Variants in ZSWIM6 observed in about 807,000 individuals in gnomAD.
ZSWIM6 encodes the protein zinc finger SWIM domain-containing protein 6.
In ZSWIM6, 9 loss-of-function variants were observed where a neutral mutation model predicts 113.2. The ratio of observed to expected loss-of-function variants is 0.08; its 90% CI spans 0.05 to 0.14. The LOEUF is 0.14. ZSWIM6 is among the 10% of genes least tolerant of loss of function. The pLI, the probability that ZSWIM6 is intolerant of heterozygous loss-of-function variation, is 1.00. For missense variants in ZSWIM6, 1,162 were observed against 1,552.2 expected (o/e 0.75, Z 4.22); for synonymous variants, 611 against 606.5 (o/e 1.01, Z -0.11).
At chr5:61,514,116 A>G (rs1206223487) in intron 4 of ZSWIM6, among the ~76,000 whole-genome samples, 1 of 152,086 alleles carries the variant, frequency 6.6e-6, no homozygotes, top group East Asian at 1.9e-4. Context: ...TTCCATCAGC[A>G]TTTTGTAGTT....
At chr5:61,380,337 A>G (rs1248102456) in intron 1 of ZSWIM6, among the ~76,000 whole-genome samples, 1 of 152,184 alleles carries the variant, frequency 6.6e-6, no homozygotes, top group African/African-American at 2.4e-5. Context: ...CGGCCTCCCA[A>G]AGTGCTGGCA....
At chr5:61,390,680 T>C in intron 1 of ZSWIM6, 1 of 851,988 alleles carries the variant, frequency 1.2e-6, no homozygotes, top group Non-Finnish European at 2.0e-6. Flanking sequence ...AAGCTCCTTC[T>C]TCCTTTGCAA....
intron 4 of ZSWIM6, among the ~76,000 whole-genome samples, chr5:61,504,836 G>A (rs1748557547): frequency 6.6e-6 from 1 of 152,124 alleles, no homozygotes; most frequent in Admixed American, 6.6e-5. Context: ...AAATTAACAA[G>A]AATCTGCTGT....
intron 1 of ZSWIM6, among the ~76,000 whole-genome samples, chr5:61,399,231 G>GT (rs35540556): frequency 0.26 from 30,354 of 117,888 alleles, 3,832 homozygotes; most frequent in South Asian, 0.38. Flanking sequence ...GGCTGTGTAT[G>GT]TTTTTTTTTT....
chr5:61,336,544 G>C (rs548795779), intron 1 of ZSWIM6, among the ~76,000 whole-genome samples: 32 of 152,228 alleles, frequency 2.1e-4, no homozygotes, highest in African/African-American at 7.2e-4. Context: ...GATCATTTGA[G>C]GTCAGGAGTT....
chr5:61,369,908 T>C (rs1745229361), intron 1 of ZSWIM6, among the ~76,000 whole-genome samples: 1 of 152,216 alleles, frequency 6.6e-6, no homozygotes, highest in South Asian at 2.1e-4. Context: ...CCCACAGATA[T>C]TTCACTGGAC....
chr5:61,440,717 C>T (rs13171757), intron 1 of ZSWIM6, among the ~76,000 whole-genome samples: 56,966 of 151,980 alleles, frequency 0.37, 10,855 homozygotes, highest in South Asian at 0.43. Flanking sequence ...ATGTTTGGGG[C>T]GTTCAGGCCC....
At chr5:61,532,280 A>G (rs1348356916) in intron 9 of ZSWIM6, among the ~76,000 whole-genome samples, 1 of 152,214 alleles carries the variant, frequency 6.6e-6, no homozygotes, top group African/African-American at 2.4e-5. Flanking sequence ...AAAAGGTTTC[A>G]TAGAATCTGA....
At chr5:61,409,912 G>C (rs1196439224) in intron 1 of ZSWIM6, among the ~76,000 whole-genome samples, 1 of 152,174 alleles carries the variant, frequency 6.6e-6, no homozygotes, top group Non-Finnish European at 1.5e-5. Flanking sequence ...GAAGTTATCT[G>C]ATAGTTAATT....
chr5:61,473,806 A>G (rs1233160423), intron 2 of ZSWIM6, among the ~76,000 whole-genome samples: 1 of 152,212 alleles, frequency 6.6e-6, no homozygotes, highest in African/African-American at 2.4e-5. Context: ...TTGACTAAAC[A>G]GCTCTGGGAC....
chr5:61,505,075 T>C (rs1325513059), intron 4 of ZSWIM6, among the ~76,000 whole-genome samples: 1 of 152,238 alleles, frequency 6.6e-6, no homozygotes, highest in Non-Finnish European at 1.5e-5. Context: ...TATGTGTCAG[T>C]TGAGTCTTCT....
chr5:61,422,977 T>A (rs1269713293), intron 1 of ZSWIM6, among the ~76,000 whole-genome samples: 3 of 152,218 alleles, frequency 2.0e-5, no homozygotes, highest in Non-Finnish European at 2.9e-5. Flanking sequence ...TTTTTCCAAA[T>A]ATAAGGTAAT....
intron 6 of ZSWIM6, 45 bp downstream of exon 6, chr5:61,526,021 G>A: frequency 6.5e-7 from 1 of 1,546,068 alleles, no homozygotes; most frequent in Non-Finnish European, 8.8e-7. Context: ...TTACTTCTTT[G>A]TTTAGTTTCT....
At position 61,539,726 on chromosome 5, in the gene ZSWIM6, T is replaced by C; in HGVS notation, c.2670T>C (p.Thr890=). Residue 890 remains threonine, a synonymous_variant, in exon 12 of 14, where the codon ACT becomes ACC. Transcript: ENST00000252744. ...ATLMDSLPDI[T]LLKVSLELGL... is the part of the protein sequence containing the mutation. ...TCATGGACAGTTTGCCAGACATCACTCTTTTGAAAGTGTCTCTGGAGCTGG... is the reference window on the plus strand; with the variant it reads ...TCATGGACAGTTTGCCAGACATCACCCTTTTGAAAGTGTCTCTGGAGCTGG... 6.4e-7 allele frequency: 1 copy of C among 1,551,612 alleles called. No homozygotes were observed. The highest frequency in any genetic ancestry group is 1.2e-5 in the South Asian group (1 of 84,038).
intron 1 of ZSWIM6, among the ~76,000 whole-genome samples, chr5:61,466,275 C>G (rs753467430): frequency 5.3e-5 from 8 of 152,122 alleles, no homozygotes. Flanking sequence ...AGTTACTATA[C>G]ATTTAGCTAA....
intron 13 of ZSWIM6, 22 bp downstream of exon 13, chr5:61,541,987 A>G: frequency 6.5e-7 from 1 of 1,543,542 alleles, no homozygotes; most frequent in Non-Finnish European, 8.8e-7. Context: ...CTGGAACAGA[A>G]GCTTTCCTAG....
Position 61,531,493 on chromosome 5 carries a change from A to G in ZSWIM6, c.2013A>G (p.Glu671=), listed in dbSNP as rs369326083. 358 of 1,551,514 alleles carry G rather than the reference A, an allele frequency of 2.3e-4. 3 individuals carry two copies. Among genetic ancestry groups the G allele is most frequent in the Non-Finnish European group, 5.5e-5 (63 of 1,146,898 alleles). ...ATATGGGACAGTGCAAGTCTCTGGA[A>G]TACCAGCATCTACCTGCACACAAAT... ...TENMGQCKSL[E]YQHLPAHKFL... Residue 671 remains glutamate, a synonymous_variant, in exon 9 of 14, where the codon GAA becomes GAG. Transcript: ENST00000252744.
At chr5:61,515,803 C>T (rs1748918827) in intron 4 of ZSWIM6, among the ~76,000 whole-genome samples, 1 of 152,100 alleles carries the variant, frequency 6.6e-6, no homozygotes, top group Non-Finnish European at 1.5e-5. Context: ...CTCCTTTAAG[C>T]TCTGTCAGTT....
chr5:61,493,794 T>C (rs1382657037), intron 3 of ZSWIM6, among the ~76,000 whole-genome samples: 3 of 152,162 alleles, frequency 2.0e-5, no homozygotes, highest in Admixed American at 6.6e-5. Flanking sequence ...AAAGCATGAA[T>C]GCCTACTTTG....
Sources: allele counts gnomAD v4.1 joint callset (sites outside exome capture counted in the v4.1 genomes callset), GRCh38; gene constraint gnomAD v4.1.1; transcripts MANE v1.5; gene names NCBI Gene and HGNC (gene_info 2026-07-23, HGNC 2026-07-21).